Variants in C6orf52 observed in about 807,000 individuals in gnomAD.
C6orf52 encodes chromosome 6 open reading frame 52, also known as putative uncharacterized protein C6orf52.
Under a neutral mutation model 16.6 loss-of-function variants are expected in C6orf52, and 16 were observed. The ratio of observed to expected loss-of-function variants is 0.96; its 90% confidence interval spans 0.65 to 1.46. The LOEUF (loss-of-function observed/expected upper bound fraction) is 1.46, where lower values mean the gene tolerates loss of function less well. C6orf52 is among the 40% of genes most tolerant of loss of function. C6orf52 has a pLI of 0.00. For synonymous variants in C6orf52, 53 were observed against 61.4 expected (o/e 0.86, Z 0.64); for missense variants, 166 against 182.3 (o/e 0.91, Z 0.52).
intron 4 of C6orf52, among the ~76,000 whole-genome samples, chr6:10,675,197 T>C (rs1020056231): frequency 9.2e-5 from 14 of 152,174 alleles, no homozygotes; most frequent in African/African-American, 3.4e-4. Context: ...TCCCTGCAAC[T>C]ACCCTAGCCT....
At chr6:10,686,816 ATCAGCT>A in intron 3 of C6orf52, 144 bp downstream of exon 3, 1 of 595,330 alleles carries the variant, frequency 1.7e-6, no homozygotes, top group Non-Finnish European at 2.9e-6. Context: ...TTCTTAGGCT[ATCAGCT>A]TTACTCTCTA....
intron 4 of C6orf52, among the ~76,000 whole-genome samples, chr6:10,682,312 CCA>C (rs1357548031): frequency 7.2e-5 from 11 of 152,102 alleles, no homozygotes; most frequent in African/African-American, 2.4e-4. Flanking sequence ...GAAAGAAATC[CCA>C]CAAAGTTGAA....
At chr6:10,684,739 C>G in intron 3 of C6orf52, 1 of 574,030 alleles carries the variant, frequency 1.7e-6, no homozygotes, top group South Asian at 1.5e-5. Context: ...AGAGGCACAG[C>G]ACATTGGGGG....
At chr6:10,681,062 G>A (rs60973455) in intron 4 of C6orf52, among the ~76,000 whole-genome samples, 3,673 of 152,200 alleles carry the variant, frequency 0.024, 138 homozygotes, top group African/African-American at 0.08. Context: ...TTAGCCTCCC[G>A]AAGTGCTTGG....
chr6:10,680,568 A>C (rs767244071), intron 4 of C6orf52, among the ~76,000 whole-genome samples: 1 of 151,670 alleles, frequency 6.6e-6, no homozygotes, highest in African/African-American at 2.4e-5. Context: ...GATTTTTTGG[A>C]GTGTTTAAGA....
Position 10,671,610 on chromosome 6 carries a change from A to C in C6orf52, c.317-12T>G. 6.6e-7 allele frequency: 1 copy of C among 1,509,976 alleles called. No individual in the cohort carries two copies. The highest frequency in any genetic ancestry group is 8.9e-7 in the Non-Finnish European group (1 of 1,124,592). The allele number at this position is 1,509,976 out of a possible 1,614,324, so 93.5% of individuals were successfully genotyped here. A position where few individuals can be genotyped will look rare whatever the true frequency, so the allele number is the denominator to read the frequency against. ...ATGAAGATGTGGATCTGCAGAAGCC[A>C]ATAATGGATATGAAAAAAATAGAGT... is the stretch of plus-strand genomic sequence containing the variant. On this transcript the variant is annotated splice_polypyrimidine_tract_variant and intron_variant, in intron 4 of 4. Coordinates refer to ENST00000259983, the MANE Select transcript of C6orf52 (RefSeq NM_001145020.3).
intron 3 of C6orf52, among the ~76,000 whole-genome samples, chr6:10,685,923 CA>C (rs1369203466): frequency 2.0e-5 from 3 of 152,178 alleles, no homozygotes; most frequent in Admixed American, 6.5e-5. Context: ...AGCCCTTCCA[CA>C]TCCAGAATTA....
Position 10,687,013 on chromosome 6 carries a change from C to T in C6orf52, c.223G>A (p.Ala75Thr). The T allele has an allele frequency of 1.3e-6, 2 of 1,551,564 alleles. No homozygotes were observed. The highest frequency in any genetic ancestry group is 1.2e-5 in the South Asian group (1 of 84,048). ...VDGNGKDCFSAHETPEHTAGT... is the reference protein window; with the variant it reads ...VDGNGKDCFSTHETPEHTAGT... ...GCTGTGTGTTCAGGGGTCTCATGCG[C>T]AGAAAAACAGTCCTTTCCATTTCCA... The change falls in exon 3 of 5, where the codon GCG becomes ACG. Residue 75 changes from alanine (A) to threonine (T), a missense_variant. By Grantham distance (58) the Ala-to-Thr change is moderately conservative (BLOSUM62 0). Transcript: ENST00000259983.
chr6:10,680,198 C>T (rs1205893603), intron 4 of C6orf52, among the ~76,000 whole-genome samples: 2 of 151,546 alleles, frequency 1.3e-5, no homozygotes, highest in African/African-American at 4.9e-5. Flanking sequence ...AGGTTGCAGC[C>T]GAGATCACGG....
chr6:10,681,547 G>A (rs1768396735), intron 4 of C6orf52, among the ~76,000 whole-genome samples: 2 of 152,178 alleles, frequency 1.3e-5, no homozygotes, highest in Non-Finnish European at 2.9e-5. Context: ...TACTGTGCCA[G>A]ATTGATGACC....
At chr6:10,694,885 T>A (rs879001419), upstream of C6orf52, 10 of 798,014 alleles carry the variant, frequency 1.3e-5, no homozygotes, top group Middle Eastern at 3.8e-4. Flanking sequence ...CGAGCGCCGA[T>A]GCAGAAAGGA....
intron 4 of C6orf52, among the ~76,000 whole-genome samples, chr6:10,676,088 C>T (rs1442270150): frequency 1.3e-5 from 2 of 152,160 alleles, no homozygotes; most frequent in Non-Finnish European, 2.9e-5. Flanking sequence ...CGAAATCACG[C>T]CACTGCGTTC....
intron 3 of C6orf52, 121 bp from the exon 4 acceptor site, chr6:10,683,353 CAATT>C (rs1383292224): frequency 8.6e-5 from 50 of 582,438 alleles, no homozygotes; most frequent in Admixed American, 1.0e-4. Flanking sequence ...ATAATATTGA[CAATT>C]AATCTCTTTA....
At chr6:10,693,967 T>C (rs374645634) in intron 1 of C6orf52, among the ~76,000 whole-genome samples, 25 of 152,230 alleles carry the variant, frequency 1.6e-4, no homozygotes, top group African/African-American at 5.5e-4. Context: ...AACTCTCAAA[T>C]GAAGGCTCTG....
At chr6:10,675,858 ACGGTGGCT>A (rs1447551556) in intron 4 of C6orf52, among the ~76,000 whole-genome samples, 2 of 152,236 alleles carry the variant, frequency 1.3e-5, no homozygotes, top group African/African-American at 4.8e-5. Flanking sequence ...ATGGCCGGGC[ACGGTGGCT>A]CACGCCTGTA....
chr6:10,683,878 G>A (rs1318554590), intron 3 of C6orf52, among the ~76,000 whole-genome samples: 1 of 152,186 alleles, frequency 6.6e-6, no homozygotes, highest in Non-Finnish European at 1.5e-5. Context: ...ATTCTTCTAT[G>A]TAGACCTGTT....
At chr6:10,684,617 A>G (rs190717002) in intron 3 of C6orf52, among the ~76,000 whole-genome samples, 2 of 152,380 alleles carry the variant, frequency 1.3e-5, no homozygotes, top group Admixed American at 1.3e-4. Context: ...CTGATGGACC[A>G]CAAAGACCCG....
At chr6:10,676,162 AT>A in intron 4 of C6orf52, among the ~76,000 whole-genome samples, 1 of 152,248 alleles carries the variant, frequency 6.6e-6, no homozygotes, top group Admixed American at 6.5e-5. Context: ...CAAAAAACTT[AT>A]CCCTGTAACC....
At chr6:10,688,968 C>T (rs536469779) in intron 1 of C6orf52, among the ~76,000 whole-genome samples, 8 of 152,260 alleles carry the variant, frequency 5.3e-5, no homozygotes, top group Non-Finnish European at 7.4e-5. Flanking sequence ...TCTGGCACCA[C>T]GCCTGGCTAA....
Sources: gnomAD v4.1 joint callset for allele counts (sites outside exome capture counted in the v4.1 genomes callset) on GRCh38, gnomAD v4.1.1 for gene constraint, MANE v1.5 for transcripts, NCBI Gene and HGNC (gene_info 2026-07-23, HGNC 2026-07-21) for gene names.